PHACTR4: variants seen among roughly 807,000 people sequenced by gnomAD.
The protein encoded by PHACTR4 is protein phosphatase 1, regulatory subunit 124.
In PHACTR4, 51 loss-of-function variants were observed where a neutral mutation model predicts 72.7. The ratio of observed to expected loss-of-function variants is 0.70; its 90% CI spans 0.56 to 0.89. The LOEUF is 0.89. Among genes scored for constraint, PHACTR4 ranks in the 40% least tolerant of loss-of-function variants. The pLI, the probability that PHACTR4 is intolerant of heterozygous loss-of-function variation, is 0.00. For synonymous variants in PHACTR4, 255 were observed against 302.5 expected (o/e 0.84, Z 1.63); for missense variants, 731 against 861.8 (o/e 0.85, Z 1.90).
intron 9 of PHACTR4, among the ~76,000 whole-genome samples, chr1:28,486,776 T>C (rs1424403040): frequency 1.3e-5 from 2 of 151,860 alleles, no homozygotes; most frequent in Non-Finnish European, 2.9e-5. Flanking sequence ...GGGCAATCAC[T>C]TGAACCCAGG....
intron 1 of PHACTR4, among the ~76,000 whole-genome samples, chr1:28,384,418 A>AT (rs1233839062): frequency 2.6e-5 from 4 of 151,832 alleles, no homozygotes; most frequent in Admixed American, 6.6e-5. Context: ...GGAATTATCC[A>AT]TTTTTTCTAG....
intron 1 of PHACTR4, among the ~76,000 whole-genome samples, chr1:28,382,994 T>C (rs1652302722): frequency 6.6e-6 from 1 of 152,066 alleles, no homozygotes; most frequent in Non-Finnish European, 1.5e-5. Context: ...GGTTTCACCA[T>C]GTTGGTCAGG....
chr1:28,460,901 C>T (rs2124472077), intron 4 of PHACTR4, among the ~76,000 whole-genome samples: 1 of 152,168 alleles, frequency 6.6e-6, no homozygotes, highest in East Asian at 1.9e-4. Flanking sequence ...ACCTCGGCCT[C>T]CCAAAGTGCT....
At chr1:28,448,910 G>A (rs372148660) in intron 2 of PHACTR4, among the ~76,000 whole-genome samples, 1 of 151,870 alleles carries the variant, frequency 6.6e-6, no homozygotes, top group Admixed American at 6.6e-5. Flanking sequence ...CACACTTTGA[G>A]AGGCTGAGGC....
chr1:28,413,001 T>A (rs1190815559), intron 2 of PHACTR4, among the ~76,000 whole-genome samples: 1 of 152,196 alleles, frequency 6.6e-6, no homozygotes, highest in East Asian at 1.9e-4. Context: ...CATTACAGTC[T>A]GAGCTCCACC....
chr1:28,472,207 CAA>C (rs1346388139), intron 6 of PHACTR4, among the ~76,000 whole-genome samples: 2 of 117,696 alleles, frequency 1.7e-5, no homozygotes, highest in Non-Finnish European at 1.9e-5. Flanking sequence ...GACTCCGTCT[CAA>C]AAAAAAAAAA....
At chr1:28,471,238 A>G (rs1272799886) in intron 6 of PHACTR4, among the ~76,000 whole-genome samples, 2 of 151,840 alleles carry the variant, frequency 1.3e-5, no homozygotes, top group Non-Finnish European at 2.9e-5. Context: ...AATCCCAGCT[A>G]CTCAGGAGGC....
chr1:28,493,021 A>G lies in PHACTR4; in HGVS notation c.2023A>G (p.Ile675Val). 6.2e-7 allele frequency: 1 copy of G among 1,612,296 alleles called. No individual in the cohort carries two copies. The highest frequency in any genetic ancestry group is 8.5e-7 in the Non-Finnish European group (1 of 1,178,410). ...TTTTGTCTCTACTCCACAGGCTGCC[A>G]TAAGAAAAGAATTAAATGAATTTAA... The part of the protein sequence containing the change: ...TKLTPADKAA[I>V]RKELNEFKSS... Residue 675 changes from isoleucine (I) to valine (V), a missense_variant, in exon 13 of 14, where the codon ATA (isoleucine) becomes GTA (valine). Physicochemically the swap from Ile to Val is conservative, Grantham distance 29. Around this residue, in one of 2 missense-constraint regions of PHACTR4, gnomAD observed 110 missense variants for 185.2 expected, o/e 0.59. Transcript: ENST00000373839.
intron 2 of PHACTR4, among the ~76,000 whole-genome samples, chr1:28,436,252 C>T (rs977219291): frequency 6.6e-6 from 1 of 151,830 alleles, no homozygotes; most frequent in Non-Finnish European, 1.5e-5. Context: ...TGGTAGCTGT[C>T]TTTTTTTAAA....
At chr1:28,453,731 G>T in intron 2 of PHACTR4, 1 of 1,161,500 alleles carries the variant, frequency 8.6e-7, no homozygotes, top group Non-Finnish European at 1.3e-6. Flanking sequence ...TCTTCAGTTA[G>T]ATCCTGAAGT....
chr1:28,396,999 T>C (rs899920116), intron 1 of PHACTR4, among the ~76,000 whole-genome samples: 10 of 151,984 alleles, frequency 6.6e-5, no homozygotes, highest in Non-Finnish European at 1.5e-4. Context: ...GGCCGTGATA[T>C]GCTTTTAAAT....
chr1:28,475,729 C>CTTTTTTTTTTTTTT lies in PHACTR4; in HGVS notation c.1422-377_1422-364dup, dbSNP rs71672836. 8.7e-4 allele frequency among the ~76,000 whole-genome samples: 118 copies of CTTTTTTTTTTTTTT among 135,222 alleles called. 3 individuals carry two copies. The highest frequency in any genetic ancestry group is 2.7e-3 in the African/African-American group (92 of 33,934). 88.7% of individuals were successfully genotyped at this position (135,222 alleles called of 152,430 possible). On this transcript the variant is annotated intron_variant, in intron 7 of 13. Coordinates refer to ENST00000373839, the MANE Select transcript of PHACTR4 (RefSeq NM_001048183.3). ...ATTTATGGTTATTTCAGTCCTTTGT[C>CTTTTTTTTTTTTTT]TTTTTTTTTTTTTTGAGATAGAATC...
chr1:28,491,272 C>A (rs935273582), intron 11 of PHACTR4, among the ~76,000 whole-genome samples: 2 of 150,850 alleles, frequency 1.3e-5, no homozygotes, highest in African/African-American at 4.9e-5. Flanking sequence ...GCCTGGGCAA[C>A]ATGGCAAGAC....
intron 1 of PHACTR4, among the ~76,000 whole-genome samples, chr1:28,397,930 G>A (rs1653642581): frequency 1.3e-5 from 2 of 151,730 alleles, no homozygotes; most frequent in South Asian, 2.1e-4. Flanking sequence ...GGCCAGGATG[G>A]TCTTGATCTC....
chr1:28,436,325 C>T (rs1656633745), intron 2 of PHACTR4, among the ~76,000 whole-genome samples: 1 of 151,786 alleles, frequency 6.6e-6, no homozygotes, highest in African/African-American at 2.4e-5. Context: ...TGGACTCAAA[C>T]TCTTGGTGTC....
chr1:28,473,844 A>AT lies in PHACTR4; in HGVS notation c.1116dup (p.Glu373Ter), dbSNP rs769351893. On this transcript the variant is annotated frameshift_variant, in exon 7 of 14. Transcript: ENST00000373839. LOFTEE classifies it high-confidence loss of function. Reference sequence around the variant, plus strand: ...TAAGACTTTTCAAGTTGTGCCAGAAATTGAGTTTCCACCATCCTTAGATCT... The same window carrying AT: ...TAAGACTTTTCAAGTTGTGCCAGAAATTTGAGTTTCCACCATCCTTAGATCT... 1.3e-6 allele frequency: 2 copies of AT among 1,575,860 alleles called. No homozygotes were observed. The highest frequency in any genetic ancestry group is 1.1e-5 in the South Asian group (1 of 89,414).
At chr1:28,481,548 G>A (rs1036587385) in intron 9 of PHACTR4, 6 of 152,062 alleles carry the variant, frequency 3.9e-5, no homozygotes, top group African/African-American at 1.2e-4. Flanking sequence ...CTAGAACTTC[G>A]GGAGGCTGAG....
chr1:28,448,117 C>G (rs891343264), intron 2 of PHACTR4, among the ~76,000 whole-genome samples: 1 of 152,150 alleles, frequency 6.6e-6, no homozygotes, highest in East Asian at 1.9e-4. Flanking sequence ...CTGTTTCCAG[C>G]TAGGTGGGCT....
intron 6 of PHACTR4, among the ~76,000 whole-genome samples, chr1:28,473,135 C>T (rs1051945834): frequency 2.6e-5 from 4 of 151,586 alleles, no homozygotes; most frequent in Admixed American, 6.6e-5. Flanking sequence ...ATTAGCCGGG[C>T]CGTAGTGGCG....
Sources: gnomAD v4.1 joint callset for allele counts (sites outside exome capture counted in the v4.1 genomes callset) on GRCh38, gnomAD v4.1.1 for gene constraint, gnomAD v4.1.1 regional missense constraint, MANE v1.5 for transcripts, NCBI Gene and HGNC (gene_info 2026-07-23, HGNC 2026-07-21) for gene names.